The following NTMT2 variants were observed in gnomAD, a reference collection of about 807,000 sequenced individuals.
NTMT2 encodes the protein N-terminal Xaa-Pro-Lys N-methyltransferase 2.
NTMT2 carries 21 observed loss-of-function variants against 23.4 expected under a neutral mutation model. The observed-to-expected ratio is 0.90, with a 90% CI of 0.64 to 1.29. The LOEUF (loss-of-function observed/expected upper bound fraction) is 1.29, where lower values mean the gene tolerates loss of function less well. Among genes scored for constraint, NTMT2 ranks in the 50% most tolerant of loss-of-function variants. NTMT2 has a pLI of 0.00. For synonymous variants in NTMT2, 131 were observed against 127.7 expected (o/e 1.03, Z -0.17); for missense variants, 336 against 352.0 (o/e 0.95, Z 0.36).
At chr1:170,167,435 T>G (rs987465644) in intron 3 of NTMT2, 51 bp from the exon 4 acceptor site, 2 of 1,471,416 alleles carry the variant, frequency 1.4e-6, no homozygotes, top group Non-Finnish European at 1.8e-6. Context: ...TCACCTTCCA[T>G]CCTCCCCACC....
intron 1 of NTMT2, among the ~76,000 whole-genome samples, chr1:170,155,679 C>G (rs1673151821): frequency 6.6e-6 from 1 of 151,886 alleles, no homozygotes; most frequent in Non-Finnish European, 1.5e-5. Context: ...AATAAAGAGG[C>G]ATTTTAAAAT....
At chr1:170,147,442 T>A (rs1672988590) in intron 1 of NTMT2, among the ~76,000 whole-genome samples, 1 of 152,112 alleles carries the variant, frequency 6.6e-6, no homozygotes. Context: ...GATAGAGTAA[T>A]ATGAAAGCAA....
rs57166192 is a variant in NTMT2 at position 170,168,240 on chromosome 1, CA to C, written c.*497del. 2.9e-3 allele frequency among the ~76,000 whole-genome samples: 342 copies of C among 116,768 alleles called. 1 individual carries two copies. The highest frequency in any genetic ancestry group is 7.2e-3 in the South Asian group (25 of 3,494). The allele number at this position is 116,768 out of a possible 152,430, so 76.6% of individuals were successfully genotyped here. On this transcript the variant is annotated 3_prime_UTR_variant, in exon 4 of 4. Coordinates refer to ENST00000439373, the MANE Select transcript of NTMT2 (RefSeq NM_001136107.2). ...CAGATAAAGCATTTGTCTACTCAAA[CA>C]AAAAAAAAAAAAAGAAAAAGAAACA... is the stretch of plus-strand genomic sequence containing the variant.
At chr1:170,156,957 G>T (rs561897740) in intron 1 of NTMT2, among the ~76,000 whole-genome samples, 1 of 152,232 alleles carries the variant, frequency 6.6e-6, no homozygotes, top group Admixed American at 6.5e-5. Context: ...CTGCTTTGCT[G>T]CTTTGGTTGG....
Position 170,166,663 on chromosome 1 carries a change from C to G in NTMT2, c.492C>G (p.Asp164Glu). ...AGAACTACCTGCAGGTCAAAGGTGA[C>G]AAAGTAGAAAGCTACCACTGCTACA... Reference protein sequence around the residue: ...EAQNYLQVKGDKVESYHCYSL... With the variant: ...EAQNYLQVKGEKVESYHCYSL... The change falls in exon 3 of 4, where the codon GAC becomes GAG. Residue 164 changes from aspartate (D) to glutamate (E), a missense_variant. Transcript: ENST00000439373. 6.4e-7 allele frequency: 1 copy of G among 1,552,150 alleles called. No homozygotes were observed. Among genetic ancestry groups the G allele is most frequent in the South Asian group, 1.2e-5 (1 of 84,054 alleles).
rs1294614262 is a variant in NTMT2 at position 170,167,572 on chromosome 1, A to G, written c.667A>G (p.Asn223Asp). Residue 223 changes from asparagine (N) to aspartate (D), a missense_variant, in exon 4 of 4, where the codon AAT becomes GAT. Coordinates refer to ENST00000439373, the MANE Select transcript of NTMT2 (RefSeq NM_001136107.2). ...AAATGGCATCATCATATTGAAGGAC[A>G]ATGTGGCCCGGGAGGGCTGTATCCT... Reference protein sequence around the residue: ...KENGIIILKDNVAREGCILDL... With the variant: ...KENGIIILKDDVAREGCILDL... 5.8e-6 allele frequency: 9 copies of G among 1,551,566 alleles called. No individual in the cohort carries two copies. The highest frequency in any genetic ancestry group is 8.7e-7 in the Non-Finnish European group (1 of 1,146,998).
At chr1:170,146,426 G>C (rs1182591553) in intron 1 of NTMT2, among the ~76,000 whole-genome samples, 165 bp downstream of exon 1, 1 of 152,064 alleles carries the variant, frequency 6.6e-6, no homozygotes, top group Admixed American at 6.6e-5. Context: ...ATTCTTTATG[G>C]AGAATACAAA....
chr1:170,149,460 A>C (rs549004254), intron 1 of NTMT2, among the ~76,000 whole-genome samples: 1 of 152,314 alleles, frequency 6.6e-6, no homozygotes, highest in South Asian at 2.1e-4. Flanking sequence ...TGCGTGTATT[A>C]GTTTCCCTAT....
At chr1:170,153,514 T>C (rs890701823) in intron 1 of NTMT2, among the ~76,000 whole-genome samples, 2 of 152,170 alleles carry the variant, frequency 1.3e-5, no homozygotes, top group Non-Finnish European at 2.9e-5. Context: ...AAGAAACTTA[T>C]TGGGAGGTGG....
Position 170,146,342 on chromosome 1 carries a change from A to C in NTMT2, c.154+81A>C, listed in dbSNP as rs1672964570. The C allele has an allele frequency of 7.5e-6, 10 of 1,330,350 alleles. No individual in the cohort carries two copies. The South Asian group carries it at 1.4e-4, about 19-fold the overall frequency. 82.4% of individuals were successfully genotyped at this position (1,330,350 alleles called of 1,614,324 possible). ...GAGGTCATGGGGCTTCTAGAAGAGA[A>C]TTTAAAACAAGGACACTTTTCAGAC... is the stretch of plus-strand genomic sequence containing the variant. On this transcript the variant is annotated intron_variant, in intron 1 of 3. Transcript: ENST00000439373.
Position 170,160,699 on chromosome 1 carries a change from T to C in NTMT2, c.330+6T>C, listed in dbSNP as rs1673259545. 2.0e-6 allele frequency: 3 copies of C among 1,524,212 alleles called. No homozygotes were observed. The highest frequency in any genetic ancestry group is 2.6e-6 in the Non-Finnish European group (3 of 1,137,010). 94.4% of individuals were successfully genotyped at this position (1,524,212 alleles called of 1,614,324 possible). A position where few individuals can be genotyped will look rare whatever the true frequency, so the allele number is the denominator to read the frequency against. ...TTCTTAGGAAATTTGTTGGGGTGAG[T>C]TATTCAACTGCAGCTTGATGAGAAG... is the stretch of plus-strand genomic sequence containing the variant. On this transcript the variant is annotated splice_donor_region_variant and intron_variant, in intron 2 of 3. Transcript: ENST00000439373.
intron 2 of NTMT2, among the ~76,000 whole-genome samples, chr1:170,165,401 G>A (rs1031711776): frequency 1.3e-4 from 19 of 151,914 alleles, no homozygotes; most frequent in African/African-American, 4.6e-4. Flanking sequence ...TGTAGTTTCT[G>A]GTACCAAAAA....
chr1:170,150,094 G>A (rs562702859), intron 1 of NTMT2, among the ~76,000 whole-genome samples: 42 of 152,318 alleles, frequency 2.8e-4, no homozygotes, highest in African/African-American at 7.9e-4. Context: ...TCTGCACAGA[G>A]AGTTTGTTGT....
At chr1:170,156,533 CAAAT>C (rs935290872) in intron 1 of NTMT2, among the ~76,000 whole-genome samples, 2 of 151,878 alleles carry the variant, frequency 1.3e-5, no homozygotes, top group African/African-American at 2.4e-5. Context: ...AAATAAAAAA[CAAAT>C]AGTGTCTAGT....
Position 170,146,158 on chromosome 1 carries a change from C to T in NTMT2, c.51C>T (p.Thr17=), listed in dbSNP as rs267598163. Residue 17 remains threonine, a synonymous_variant, in exon 1 of 4, where the codon ACC becomes ACT. Transcript: ENST00000439373. ...HFAFRSRWQK[T]DDELCRHSMS... is the part of the protein sequence containing the mutation. ...CCTTTAGATCCCGCTGGCAGAAGAC[C>T]GACGATGAACTCTGTAGACATAGCA... 166 of 1,551,164 alleles carry T rather than the reference C, an allele frequency of 1.1e-4. No homozygotes were observed. Among genetic ancestry groups the T allele is most frequent in the Middle Eastern group, 5.0e-4 (3 of 6,014 alleles).
intron 2 of NTMT2, among the ~76,000 whole-genome samples, chr1:170,162,154 C>T (rs1673286869): frequency 6.6e-6 from 1 of 152,012 alleles, no homozygotes; most frequent in Non-Finnish European, 1.5e-5. Context: ...AGACTTAAAC[C>T]CCAAGATAAA....
chr1:170,150,433 A>G (rs188410165), intron 1 of NTMT2, among the ~76,000 whole-genome samples: 10 of 152,324 alleles, frequency 6.6e-5, no homozygotes, highest in Non-Finnish European at 1.5e-4. Context: ...TAACATCTCT[A>G]TTAGGTGTGC....
intron 1 of NTMT2, 54 bp from the exon 2 acceptor site, chr1:170,160,464 G>T: frequency 1.5e-6 from 2 of 1,365,320 alleles, no homozygotes; most frequent in Non-Finnish European, 1.9e-6. Flanking sequence ...GCATAAAGCT[G>T]AGATTTTTTT....
chr1:170,154,282 A>T (rs1166358089), intron 1 of NTMT2, among the ~76,000 whole-genome samples: 1 of 152,158 alleles, frequency 6.6e-6, no homozygotes, highest in Non-Finnish European at 1.5e-5. Context: ...AACCTTTACT[A>T]GTGTGGAGGA....
Sources: gnomAD v4.1 joint callset for allele counts (sites outside exome capture counted in the v4.1 genomes callset) on GRCh38, gnomAD v4.1.1 for gene constraint, MANE v1.5 for transcripts, NCBI Gene and HGNC (gene_info 2026-07-23, HGNC 2026-07-21) for gene names.